The following DHX40 variants were observed in gnomAD, a reference collection of about 807,000 sequenced individuals.
DHX40 encodes the protein probable ATP-dependent RNA helicase DHX40.
Under a neutral mutation model 89.6 loss-of-function variants are expected in DHX40, and 28 were observed. The observed-to-expected ratio is 0.31, with a 90% confidence interval of 0.23 to 0.43. The LOEUF is 0.43. Among genes scored for constraint, DHX40 ranks in the 20% least tolerant of loss-of-function variants. The probability of loss-of-function intolerance (pLI) is 1.00; values close to 1 mark genes in which losing one functional copy is unlikely to be tolerated. For missense variants in DHX40, 457 were observed against 844.0 expected, an observed-to-expected ratio of 0.54 and a Z score of 5.68; for synonymous variants, 226 against 283.6, an observed-to-expected ratio of 0.80 and a Z score of 2.04.
chr17:59,599,016 A>G (rs1282265100), intron 13 of DHX40, among the ~76,000 whole-genome samples, 165 bp downstream of exon 13: 1 of 152,214 alleles, frequency 6.6e-6, no homozygotes, highest in African/African-American at 2.4e-5. Context: ...ATTGCTTAGT[A>G]GGCATTTATT....
intron 15 of DHX40, chr17:59,603,749 G>A (rs1275044780): frequency 6.6e-6 from 1 of 152,132 alleles, no homozygotes; most frequent in Non-Finnish European, 1.5e-5. Flanking sequence ...TTACAGTGGA[G>A]AATCCTGGCA....
chr17:59,577,644 A>C (rs1182785189), intron 8 of DHX40, among the ~76,000 whole-genome samples: 1 of 151,266 alleles, frequency 6.6e-6, no homozygotes, highest in Non-Finnish European at 1.5e-5. Context: ...GTGACTATTC[A>C]CAGGCGTGCA....
intron 2 of DHX40, among the ~76,000 whole-genome samples, chr17:59,570,255 AAT>A (rs1187851386): frequency 2.1e-4 from 25 of 119,690 alleles, no homozygotes; most frequent in Non-Finnish European, 3.7e-4. Flanking sequence ...ATAATATATA[AAT>A]ATATATAATA....
chr17:59,603,181 T>G (rs1042208903), intron 15 of DHX40: 1 of 152,210 alleles, frequency 6.6e-6, no homozygotes, highest in African/African-American at 2.4e-5. Flanking sequence ...ATGATCTCTG[T>G]GCTGTTGGAT....
chr17:59,573,038 A>T (rs751178760), intron 3 of DHX40, 78 bp from the exon 4 acceptor site: 20 of 1,486,152 alleles, frequency 1.3e-5, no homozygotes, highest in Admixed American at 2.1e-5. Flanking sequence ...TTGATCACTT[A>T]ATGTTTGTAC....
intron 2 of DHX40, among the ~76,000 whole-genome samples, chr17:59,568,458 T>A (rs1000083997): frequency 6.6e-6 from 1 of 152,174 alleles, no homozygotes. Context: ...CCTTGGGAGA[T>A]GCCTTCTAAG....
At chr17:59,606,780 AC>A (rs2030885712) in intron 17 of DHX40, among the ~76,000 whole-genome samples, 1 of 151,650 alleles carries the variant, frequency 6.6e-6, no homozygotes, top group Admixed American at 6.6e-5. Flanking sequence ...AATCTTAGCC[AC>A]TAGGTGTTCT....
intron 12 of DHX40, among the ~76,000 whole-genome samples, chr17:59,591,668 T>C (rs2049084657): frequency 6.6e-6 from 1 of 151,520 alleles, no homozygotes; most frequent in East Asian, 1.9e-4. Context: ...GTTTCCGCAA[T>C]TTTTAACATT....
rs185391994 is a variant in DHX40, at chr17:59,600,244, T to A, written c.1806+761T>A. Among the ~76,000 whole-genome samples the A allele has an allele frequency of 2.6e-3, 399 of 152,174 alleles. 6 individuals are homozygous for A. Among genetic ancestry groups the A allele is most frequent in the African/African-American group, 9.2e-3 (382 of 41,524 alleles). ...GTCCTCACTTAATGTCATCAGTAGG[T>A]TCTTGGAAACTGTGAGTTTAAGCAA... is the stretch of plus-strand genomic sequence containing the variant. On this transcript the variant is annotated intron_variant, in intron 14 of 17. Coordinates refer to ENST00000251241, the MANE Select transcript of DHX40 (RefSeq NM_024612.5).
intron 2 of DHX40, among the ~76,000 whole-genome samples, chr17:59,570,183 TATA>T (rs1433988973): frequency 1.6e-5 from 2 of 122,858 alleles, no homozygotes; most frequent in Non-Finnish European, 3.2e-5. Flanking sequence ...TATTAATATA[TATA>T]ATATATAATA....
At position 59,565,856 on chromosome 17, in the gene DHX40, C is replaced by T. The variant is rs563343557; in HGVS notation, c.112+73C>T. On this transcript the variant is annotated intron_variant, in intron 1 of 17. Transcript: ENST00000251241. ...GGGTTTTGGTGGGGGGATGAAAGTA[C>T]GCCTTTGGCAGGCTGAGAAGAGTAG... The T allele has an allele frequency of 5.3e-6, 7 of 1,316,196 alleles. No homozygotes were observed. The East Asian group carries it at 1.6e-4, about 30-fold the overall frequency. The allele number at this position is 1,316,196 out of a possible 1,614,324, so 81.5% of individuals were successfully genotyped here.
chr17:59,600,065 C>G (rs2030391363), intron 14 of DHX40, among the ~76,000 whole-genome samples: 1 of 152,112 alleles, frequency 6.6e-6, no homozygotes, highest in African/African-American at 2.4e-5. Context: ...CTCAAGTGAT[C>G]CACCTGCCTC....
At chr17:59,591,024 A>G (rs1342511688) in intron 12 of DHX40, among the ~76,000 whole-genome samples, 1 of 151,030 alleles carries the variant, frequency 6.6e-6, no homozygotes, top group Non-Finnish European at 1.5e-5. Context: ...AAATTAAAAA[A>G]TAGGCCAGGT....
rs766012505 is a variant in DHX40 at position 59,577,319 on chromosome 17, A to G, written c.1027A>G (p.Ile343Val). 18 of 1,613,964 alleles carry G rather than the reference A, an allele frequency of 1.1e-5. No individual in the cohort carries two copies. Among genetic ancestry groups the G allele is most frequent in the Non-Finnish European group, 1.4e-5 (17 of 1,179,854 alleles). The change falls in exon 8 of 18, where the codon ATA (isoleucine) becomes GTA (valine). Residue 343 changes from isoleucine (I) to valine (V), a missense_variant. Transcript: ENST00000251241. ...PPPPGIRKCVISTNISATSLT... is the reference protein window; with the variant it reads ...PPPPGIRKCVVSTNISATSLT... ...ACCACCTGGAATTAGAAAATGTGTC[A>G]TATCCACCAATATTTCTGCAACGTC...
chr17:59,569,702 T>C (rs142745107), intron 2 of DHX40, among the ~76,000 whole-genome samples: 1 of 139,898 alleles, frequency 7.1e-6, no homozygotes. Context: ...GAAAAAAATA[T>C]ATATATATCT....
intron 12 of DHX40, among the ~76,000 whole-genome samples, chr17:59,591,455 T>C (rs1401259993): frequency 6.6e-6 from 1 of 151,810 alleles, no homozygotes; most frequent in Non-Finnish European, 1.5e-5. Flanking sequence ...CTAGATTTCA[T>C]TTTTCATTTG....
rs757563128 is a variant in DHX40 at position 59,605,666 on chromosome 17, A to G, written c.2192A>G (p.Gln731Arg). ...RRWTNKENVKQLKDGISKDVL... is the reference protein window; with the variant it reads ...RRWTNKENVKRLKDGISKDVL... ...TGGACAAATAAGGAAAATGTAAAGCAGCTAAAGGGTGAGTAAATCATTTGT... is the reference window on the plus strand; with the variant it reads ...TGGACAAATAAGGAAAATGTAAAGCGGCTAAAGGGTGAGTAAATCATTTGT... The change falls in exon 17 of 18, where the codon CAG (glutamine) becomes CGG (arginine). Residue 731 changes from glutamine to arginine, a missense_variant. By Grantham distance (43) the Gln-to-Arg change is conservative. Coordinates refer to ENST00000251241, the MANE Select transcript of DHX40 (RefSeq NM_024612.5). The G allele has an allele frequency of 1.5e-5, 24 of 1,609,154 alleles. No individual in the cohort carries two copies. Among genetic ancestry groups the G allele is most frequent in the South Asian group, 3.3e-5 (3 of 90,140 alleles).
intron 7 of DHX40, among the ~76,000 whole-genome samples, chr17:59,576,861 G>A (rs542100729): frequency 1.3e-5 from 2 of 150,752 alleles, no homozygotes; most frequent in Admixed American, 1.3e-4. Context: ...ATTTTCTCTT[G>A]CCTCTGTTTT....
Position 59,591,178 on chromosome 17 carries a change from C to G in DHX40, c.1582+3125C>G, listed in dbSNP as rs1413948460. On this transcript the variant is annotated intron_variant, in intron 12 of 17. Transcript: ENST00000251241. ...ATAAAAATTAGCCAGGCGTGGCGTG[C>G]ACCTGTGTTGCCAGCTACTGGGGAG... Among the ~76,000 whole-genome samples, 4 of 151,572 alleles carry G rather than the reference C, an allele frequency of 2.6e-5. 1 individual carries two copies. Among genetic ancestry groups the G allele is most frequent in the Non-Finnish European group, 5.9e-5 (4 of 67,824 alleles).
Sources: allele counts gnomAD v4.1 joint callset (sites outside exome capture counted in the v4.1 genomes callset), GRCh38; gene constraint gnomAD v4.1.1; transcripts MANE v1.5; gene names NCBI Gene and HGNC (gene_info 2026-07-23, HGNC 2026-07-21).